Variants in SMYD3 observed in about 807,000 individuals in gnomAD.
SMYD3 encodes histone-lysine N-methyltransferase SMYD3.
A neutral mutation model predicts 57.7 loss-of-function variants in SMYD3; 36 were observed. That is an observed-to-expected ratio of 0.62 (90% confidence interval 0.48 to 0.82). SMYD3 has a LOEUF of 0.82. Among genes scored for constraint, SMYD3 ranks in the 40% least tolerant of loss-of-function variants. SMYD3 has a pLI of 0.00. For missense variants in SMYD3, 515 were observed against 538.8 expected (o/e 0.96, Z 0.44); for synonymous variants, 211 against 195.0 (o/e 1.08, Z -0.68).
At chr1:246,374,242 C>T (rs2066235467) in intron 1 of SMYD3, among the ~76,000 whole-genome samples, 1 of 152,076 alleles carries the variant, frequency 6.6e-6, no homozygotes, top group African/African-American at 2.4e-5. Flanking sequence ...TAAACAGGTA[C>T]ACTCACTTCT....
At chr1:246,261,785 C>T (rs574225760) in intron 5 of SMYD3, among the ~76,000 whole-genome samples, 61 of 152,202 alleles carry the variant, frequency 4.0e-4, no homozygotes, top group Admixed American at 3.9e-4. Context: ...AGAGGAAAAT[C>T]ATATTTAAAA....
At chr1:246,036,985 T>C (rs1239247499) in intron 5 of SMYD3, among the ~76,000 whole-genome samples, 3 of 152,152 alleles carry the variant, frequency 2.0e-5, no homozygotes, top group Non-Finnish European at 4.4e-5. Context: ...TCATCGTTTT[T>C]TATGGCTTCA....
chr1:246,008,363 G>C (rs570984282), intron 5 of SMYD3, among the ~76,000 whole-genome samples: 1 of 152,296 alleles, frequency 6.6e-6, no homozygotes, highest in South Asian at 2.1e-4. Context: ...GTAATGCGAC[G>C]TAAATAAGAA....
At chr1:245,765,328 C>T (rs1481437775) in intron 10 of SMYD3, among the ~76,000 whole-genome samples, 1 of 151,574 alleles carries the variant, frequency 6.6e-6, no homozygotes, top group African/African-American at 2.4e-5. Flanking sequence ...GCCCTGGAGG[C>T]TGAGGCTGCA....
intron 1 of SMYD3, among the ~76,000 whole-genome samples, chr1:246,418,133 C>T (rs2067090451): frequency 6.6e-6 from 1 of 152,194 alleles, no homozygotes; most frequent in Non-Finnish European, 1.5e-5. Flanking sequence ...CAGGTCATTT[C>T]AGCACTTTCA....
intron 1 of SMYD3, among the ~76,000 whole-genome samples, chr1:246,410,918 A>G (rs12084034): frequency 0.049 from 7,436 of 152,234 alleles, 620 homozygotes; most frequent in African/African-American, 0.17. Context: ...TGTGTCGAGC[A>G]ATTTATCCAT....
chr1:245,877,151 G>C (rs1477417595), intron 8 of SMYD3, among the ~76,000 whole-genome samples: 2 of 152,166 alleles, frequency 1.3e-5, no homozygotes, highest in African/African-American at 4.8e-5. Context: ...CTGCGGAGAC[G>C]GGGCAGCTCC....
chr1:245,922,340 A>T (rs1412029345), intron 7 of SMYD3, among the ~76,000 whole-genome samples: 1 of 152,254 alleles, frequency 6.6e-6, no homozygotes, highest in Admixed American at 6.5e-5. Flanking sequence ...TCAGAGGAGC[A>T]TGTATTAGAA....
intron 5 of SMYD3, among the ~76,000 whole-genome samples, chr1:246,227,470 C>T (rs2334000): frequency 6.6e-6 from 1 of 151,866 alleles, no homozygotes; most frequent in African/African-American, 2.4e-5. Context: ...AAAAAATTAA[C>T]CGGGTGTGGT....
Position 246,378,950 on chromosome 1 carries a change from A to G in SMYD3, c.165-23856T>C, listed in dbSNP as rs961961672. ...CAGAAATGGAAATTTGTAATTGATC[A>G]ACCTTGACTAAACAAGAAGATTCCC... On this transcript the variant is annotated intron_variant, in intron 1 of 11. Coordinates refer to ENST00000490107, the MANE Select transcript of SMYD3 (RefSeq NM_001167740.2). Among the ~76,000 whole-genome samples the G allele has an allele frequency of 1.4e-4, 20 of 140,734 alleles. No individual in the cohort carries two copies. The East Asian group carries it at 3.9e-3, about 28-fold the overall frequency. The allele number at this position is 140,734 out of a possible 152,430, so 92.3% of individuals were successfully genotyped here. A position where few individuals can be genotyped will look rare whatever the true frequency, so the allele number is the denominator to read the frequency against.
At chr1:245,896,078 G>T (rs1267870795) in intron 8 of SMYD3, among the ~76,000 whole-genome samples, 1 of 152,128 alleles carries the variant, frequency 6.6e-6, no homozygotes, top group African/African-American at 2.4e-5. Context: ...TTTTCACAAT[G>T]ATCCTACTCA....
rs545353759 is a variant in SMYD3 at position 245,788,164 on chromosome 1, C to T, written c.1077-24015G>A. ...GGGAACAGGGCAAGGGGAATGGTGA[C>T]CAGACTAGCACAGGGAACAGGGCAA... On this transcript the variant is annotated intron_variant, in intron 10 of 11. Transcript: ENST00000490107. 9.9e-5 allele frequency among the ~76,000 whole-genome samples: 15 copies of T among 151,902 alleles called. 1 individual carries two copies. The highest frequency in any genetic ancestry group is 2.1e-4 in the Non-Finnish European group (14 of 67,974).
At chr1:246,320,500 C>T (rs1266068749) in intron 5 of SMYD3, among the ~76,000 whole-genome samples, 1 of 152,104 alleles carries the variant, frequency 6.6e-6, no homozygotes, top group African/African-American at 2.4e-5. Flanking sequence ...TGCAGAGCTC[C>T]GGAAACACTA....
chr1:246,366,783 T>G (rs528082510), intron 1 of SMYD3, among the ~76,000 whole-genome samples: 2 of 151,802 alleles, frequency 1.3e-5, no homozygotes, highest in South Asian at 4.2e-4. Context: ...ATACAAAAAT[T>G]AGCCAGGCAT....
At chr1:245,943,172 C>CAA (rs61600738) in intron 5 of SMYD3, among the ~76,000 whole-genome samples, 9,328 of 108,672 alleles carry the variant, frequency 0.086, 621 homozygotes, top group East Asian at 0.25. Context: ...ACACACTTTC[C>CAA]AAAAAAAAAA....
intron 5 of SMYD3, among the ~76,000 whole-genome samples, chr1:246,086,477 T>G (rs1392062732): frequency 1.3e-5 from 2 of 152,038 alleles, no homozygotes; most frequent in Non-Finnish European, 2.9e-5. Context: ...TGCTCCTATC[T>G]ACTAGAGGCT....
At chr1:246,134,582 G>A (rs1405351665) in intron 5 of SMYD3, among the ~76,000 whole-genome samples, 1 of 151,938 alleles carries the variant, frequency 6.6e-6, no homozygotes, top group African/African-American at 2.4e-5. Flanking sequence ...ACATACATGT[G>A]CTTAGCTTTC....
chr1:245,988,492 T>G (rs545110815), intron 5 of SMYD3: 2 of 152,144 alleles, frequency 1.3e-5, no homozygotes, highest in East Asian at 3.8e-4. Flanking sequence ...ACCTGCCCAC[T>G]TGAAATGTAA....
chr1:245,786,213 C>G (rs35697135), intron 10 of SMYD3, among the ~76,000 whole-genome samples: 17,715 of 103,892 alleles, frequency 0.17, 1,631 homozygotes, highest in Admixed American at 0.23. Context: ...GGGGTGTGGA[C>G]GGGGGGGGGA....
Sources: allele counts gnomAD v4.1 joint callset (sites outside exome capture counted in the v4.1 genomes callset), GRCh38; gene constraint gnomAD v4.1.1; transcripts MANE v1.5; gene names NCBI Gene and HGNC (gene_info 2026-07-23, HGNC 2026-07-21).